CAMTA1: variants seen among roughly 807,000 people sequenced by gnomAD.
CAMTA1 encodes calmodulin-binding transcription activator 1.
In CAMTA1, 27 loss-of-function variants were observed where a neutral mutation model predicts 170.9. The ratio of observed to expected loss-of-function variants is 0.16; its 90% CI spans 0.12 to 0.22. The LOEUF is 0.22. CAMTA1 is among the 10% of genes least tolerant of loss of function. The pLI, the probability that CAMTA1 is intolerant of heterozygous loss-of-function variation, is 1.00. For missense variants in CAMTA1, 1,619 were observed against 2,217.2 expected, an observed-to-expected ratio of 0.73 and a Z score of 5.42; for synonymous variants, 833 against 891.5, an observed-to-expected ratio of 0.93 and a Z score of 1.17.
At chr1:6,926,404 C>T (rs916032242) in intron 3 of CAMTA1, among the ~76,000 whole-genome samples, 5 of 146,214 alleles carry the variant, frequency 3.4e-5, no homozygotes, top group African/African-American at 7.6e-5. Flanking sequence ...TCCTCCCTCC[C>T]TCCTCTCTCT....
chr1:6,828,857 AC>A (rs1648403943), intron 3 of CAMTA1, among the ~76,000 whole-genome samples: 1 of 150,362 alleles, frequency 6.7e-6, no homozygotes, highest in Non-Finnish European at 1.5e-5. Flanking sequence ...AGGCCTACAA[AC>A]CTAAACTACA....
At chr1:6,977,756 T>C (rs1693716185) in intron 3 of CAMTA1, among the ~76,000 whole-genome samples, 1 of 152,198 alleles carries the variant, frequency 6.6e-6, no homozygotes, top group African/African-American at 2.4e-5. Flanking sequence ...AGAGATTGAG[T>C]GCTTAGCCTA....
At chr1:7,192,112 C>G (rs576394826) in intron 4 of CAMTA1, among the ~76,000 whole-genome samples, 1 of 152,330 alleles carries the variant, frequency 6.6e-6, no homozygotes, top group East Asian at 1.9e-4. Context: ...AATCGCATGT[C>G]AAGATGCATT....
intron 4 of CAMTA1, among the ~76,000 whole-genome samples, chr1:7,213,852 T>C (rs866806557): frequency 4.0e-5 from 6 of 151,782 alleles, no homozygotes; most frequent in South Asian, 2.1e-4. Flanking sequence ...AGTGAGAACA[T>C]GCGGTGGTTG....
chr1:6,800,639 A>C (rs1208606178), intron 1 of CAMTA1, among the ~76,000 whole-genome samples: 1 of 152,060 alleles, frequency 6.6e-6, no homozygotes, highest in Non-Finnish European at 1.5e-5. Context: ...TACTTTCTGG[A>C]GTTGATTAAT....
chr1:7,477,570 C>T (rs1471826085), intron 6 of CAMTA1, among the ~76,000 whole-genome samples: 2 of 152,194 alleles, frequency 1.3e-5, no homozygotes, highest in African/African-American at 4.8e-5. Context: ...ACTGCTGTAC[C>T]CACCTAAAGC....
intron 5 of CAMTA1, among the ~76,000 whole-genome samples, chr1:7,383,695 A>T (rs2087606054): frequency 6.6e-6 from 1 of 151,968 alleles, no homozygotes. Flanking sequence ...GCTACTGTCG[A>T]TGCTGTCGAA....
chr1:7,309,385 C>T (rs1264028870), intron 5 of CAMTA1, among the ~76,000 whole-genome samples: 9 of 148,720 alleles, frequency 6.1e-5, no homozygotes, highest in African/African-American at 1.5e-4. Context: ...CTGCAACTTC[C>T]GCCTCCTGGG....
chr1:7,371,535 C>T lies in CAMTA1; in HGVS notation c.439-96295C>T, dbSNP rs565078164. Among the ~76,000 whole-genome samples, 371 of 152,340 alleles carry T rather than the reference C, an allele frequency of 2.4e-3. 1 individual carries two copies. The highest frequency in any genetic ancestry group is 8.6e-3 in the African/African-American group (357 of 41,588). On this transcript the variant is annotated intron_variant, in intron 5 of 22. Transcript: ENST00000303635. ...TCGGCCTCCCAAAGTGCCGGGATTA[C>T]AGGCATGAGCCACCATGCCCAGCCA...
intron 1 of CAMTA1, among the ~76,000 whole-genome samples, chr1:6,817,887 T>C (rs1646019688): frequency 1.3e-5 from 2 of 152,190 alleles, no homozygotes; most frequent in South Asian, 4.1e-4. Flanking sequence ...AAGGAGCTCA[T>C]GGTTATCCTG....
intron 4 of CAMTA1, among the ~76,000 whole-genome samples, chr1:7,122,033 G>A (rs576068896): frequency 3.6e-4 from 54 of 152,096 alleles, no homozygotes; most frequent in Admixed American, 3.1e-3. Context: ...TGGGAATGCC[G>A]GCCTGCAGAG....
intron 5 of CAMTA1, among the ~76,000 whole-genome samples, chr1:7,274,614 A>G (rs1430658422): frequency 6.6e-6 from 1 of 152,202 alleles, no homozygotes; most frequent in African/African-American, 2.4e-5. Context: ...TGAAATAAAT[A>G]CCCAACAGTG....
At chr1:7,100,234 G>A (rs1642560614) in intron 4 of CAMTA1, among the ~76,000 whole-genome samples, 1 of 152,270 alleles carries the variant, frequency 6.6e-6, no homozygotes, top group South Asian at 2.1e-4. Flanking sequence ...TCTGCTTCCC[G>A]TCTCTCCGGA....
At chr1:7,560,377 T>C (rs1424930502) in intron 6 of CAMTA1, among the ~76,000 whole-genome samples, 1 of 152,240 alleles carries the variant, frequency 6.6e-6, no homozygotes, top group Non-Finnish European at 1.5e-5. Flanking sequence ...GGTGAGAGGC[T>C]GAGCAGAGTC....
At chr1:6,866,474 G>A (rs1001262823) in intron 3 of CAMTA1, among the ~76,000 whole-genome samples, 1 of 152,096 alleles carries the variant, frequency 6.6e-6, no homozygotes, top group African/African-American at 2.4e-5. Flanking sequence ...ATCAACAGTC[G>A]GTGAATTTGT....
At chr1:7,429,994 G>T (rs1462419835) in intron 5 of CAMTA1, among the ~76,000 whole-genome samples, 3 of 152,152 alleles carry the variant, frequency 2.0e-5, no homozygotes, top group African/African-American at 7.2e-5. Flanking sequence ...CCACCCCTAT[G>T]ATCCGATCAC....
chr1:7,483,837 G>T (rs2093576524), intron 6 of CAMTA1, among the ~76,000 whole-genome samples: 1 of 152,150 alleles, frequency 6.6e-6, no homozygotes, highest in African/African-American at 2.4e-5. Context: ...CAGGACCCCA[G>T]GGGTGGCTCC....
chr1:6,923,065 C>T (rs1254955347), intron 3 of CAMTA1, among the ~76,000 whole-genome samples: 4 of 152,032 alleles, frequency 2.6e-5, no homozygotes, highest in African/African-American at 7.3e-5. Flanking sequence ...GAATTAAAGT[C>T]GATTTAGATA....
intron 19 of CAMTA1, 57 bp downstream of exon 19, chr1:7,747,838 G>T: frequency 1.7e-6 from 2 of 1,176,924 alleles, no homozygotes; most frequent in Non-Finnish European, 1.2e-6. Context: ...GGCCACTGAA[G>T]ATCCTGGTTT....
Sources: gnomAD v4.1 joint callset for allele counts (sites outside exome capture counted in the v4.1 genomes callset) on GRCh38, gnomAD v4.1.1 for gene constraint, MANE v1.5 for transcripts, NCBI Gene and HGNC (gene_info 2026-07-23, HGNC 2026-07-21) for gene names.